The following NR6A1 variants were observed in gnomAD, a reference collection of about 807,000 sequenced individuals.
The protein encoded by NR6A1 is retinoic acid receptor-related testis-associated receptor.
In NR6A1, 7 loss-of-function variants were observed where a neutral mutation model predicts 59.1. The observed-to-expected ratio is 0.12, with a 90% CI of 0.07 to 0.22. The LOEUF (loss-of-function observed/expected upper bound fraction) is 0.22, where lower values mean the gene tolerates loss of function less well. Among genes scored for constraint, NR6A1 ranks in the 10% least tolerant of loss-of-function variants. NR6A1 has a pLI of 1.00. For synonymous variants in NR6A1, 243 were observed against 236.1 expected (o/e 1.03, Z -0.27); for missense variants, 468 against 611.6 (o/e 0.77, Z 2.48).
chr9:124,600,986 G>GAA (rs553677692), intron 2 of NR6A1, among the ~76,000 whole-genome samples: 4 of 137,410 alleles, frequency 2.9e-5, no homozygotes, highest in South Asian at 2.3e-4. Flanking sequence ...TGTGCTTTAA[G>GAA]AAAAAAAAAA....
At chr9:124,566,452 A>G (rs1422691331) in intron 2 of NR6A1, among the ~76,000 whole-genome samples, 2 of 152,374 alleles carry the variant, frequency 1.3e-5, no homozygotes, top group East Asian at 3.9e-4. Context: ...AAATGATATC[A>G]GCAACGGCAA....
At chr9:124,662,397 A>C (rs1425230433) in intron 2 of NR6A1, among the ~76,000 whole-genome samples, 1 of 152,184 alleles carries the variant, frequency 6.6e-6, no homozygotes, top group Non-Finnish European at 1.5e-5. Flanking sequence ...TAGGCAAATT[A>C]ATTTACCCCT....
chr9:124,654,300 T>G (rs1355730025), intron 2 of NR6A1, among the ~76,000 whole-genome samples: 1 of 152,128 alleles, frequency 6.6e-6, no homozygotes, highest in Non-Finnish European at 1.5e-5. Context: ...CAAGTTACCA[T>G]TCTGCTTAAA....
chr9:124,608,825 G>C (rs1416938014), intron 2 of NR6A1, among the ~76,000 whole-genome samples: 1 of 152,040 alleles, frequency 6.6e-6, no homozygotes, highest in Non-Finnish European at 1.5e-5. Flanking sequence ...GACTTTTTAA[G>C]AATCACCATT....
At chr9:124,753,701 A>T (rs1483265510) in intron 1 of NR6A1, among the ~76,000 whole-genome samples, 3 of 152,154 alleles carry the variant, frequency 2.0e-5, no homozygotes, top group African/African-American at 7.2e-5. Flanking sequence ...CCTTTTAAGG[A>T]TATTACCAGA....
intron 2 of NR6A1, among the ~76,000 whole-genome samples, chr9:124,629,357 ATATAAT>A (rs1458378143): frequency 2.0e-5 from 3 of 152,268 alleles, no homozygotes; most frequent in South Asian, 2.1e-4. Context: ...AGTTATTTAA[ATATAAT>A]TATGACACTT....
chr9:124,716,099 G>C (rs921219607), intron 2 of NR6A1, among the ~76,000 whole-genome samples: 1 of 152,156 alleles, frequency 6.6e-6, no homozygotes, highest in Non-Finnish European at 1.5e-5. Flanking sequence ...AGCTACTTGG[G>C]AGGCTGAGGC....
intron 1 of NR6A1, among the ~76,000 whole-genome samples, chr9:124,758,587 A>G (rs1721425439): frequency 6.6e-6 from 1 of 152,236 alleles, no homozygotes. Context: ...AACAACAAAA[A>G]TACTCCATAA....
At position 124,564,486 on chromosome 9, in the gene NR6A1, C is replaced by G. The variant is rs1257440609; in HGVS notation, c.143-9916G>C. Among the ~76,000 whole-genome samples, 4 of 151,820 alleles carry G rather than the reference C, an allele frequency of 2.6e-5. 1 individual carries two copies. The highest frequency in any genetic ancestry group is 5.9e-5 in the Non-Finnish European group (4 of 67,938). On this transcript the variant is annotated intron_variant, in intron 2 of 9. Coordinates refer to ENST00000487099, the MANE Select transcript of NR6A1 (RefSeq NM_033334.4). ...AATAGCATCAAGAAATATGAAATAC[C>G]CAAGGTGTAATCTAATAAAGAGATA...
At chr9:124,586,472 C>T (rs564273029) in intron 2 of NR6A1, among the ~76,000 whole-genome samples, 6 of 150,846 alleles carry the variant, frequency 4.0e-5, no homozygotes, top group African/African-American at 1.5e-4. Context: ...AAGACAGGGT[C>T]TCACTCTGTC....
intron 2 of NR6A1, among the ~76,000 whole-genome samples, chr9:124,697,198 A>G (rs1405870568): frequency 6.6e-6 from 1 of 152,262 alleles, no homozygotes; most frequent in East Asian, 1.9e-4. Flanking sequence ...TTTATGATTC[A>G]TAAGCATGGA....
intron 2 of NR6A1, among the ~76,000 whole-genome samples, chr9:124,587,857 G>A (rs1237110731): frequency 2.0e-5 from 3 of 152,158 alleles, no homozygotes; most frequent in Non-Finnish European, 4.4e-5. Context: ...TCCCTAAGGC[G>A]CTGGATCAAT....
chr9:124,598,691 A>T (rs1366707176), intron 2 of NR6A1: 2 of 624,864 alleles, frequency 3.2e-6, no homozygotes, highest in Non-Finnish European at 5.1e-6. Context: ...AAGAGAGGAA[A>T]AAAATAAGAC....
rs10639098 is a variant in NR6A1 at position 124,519,901 on chromosome 9, CAAAAAAAAAAAAAAAAA to C, written c.*2787_*2803del. Reference sequence around the variant, plus strand: ...TGAGCGACAGAGCGAGACTCCGCCTCAAAAAAAAAAAAAAAAAAAAAAAAAAAAATCCTCACTCAAAG... The same window carrying C: ...TGAGCGACAGAGCGAGACTCCGCCTCAAAAAAAAAAAATCCTCACTCAAAG... On this transcript the variant is annotated 3_prime_UTR_variant, in exon 10 of 10. Coordinates refer to ENST00000487099, the MANE Select transcript of NR6A1 (RefSeq NM_033334.4). 4.2e-5 allele frequency: 1 copy of C among 23,884 alleles called. No homozygotes were observed. Among genetic ancestry groups the C allele is most frequent in the African/African-American group, 1.3e-4 (1 of 7,636 alleles). 1.5% of individuals were successfully genotyped at this position (23,884 alleles called of 1,614,324 possible).
chr9:124,664,615 TG>T (rs761291366), intron 2 of NR6A1, among the ~76,000 whole-genome samples: 2 of 152,156 alleles, frequency 1.3e-5, no homozygotes, highest in South Asian at 2.1e-4. Flanking sequence ...AGATAATGAA[TG>T]AATGGATGAA....
chr9:124,552,987 A>C (rs1453536423), intron 3 of NR6A1, among the ~76,000 whole-genome samples: 1 of 152,186 alleles, frequency 6.6e-6, no homozygotes, highest in East Asian at 1.9e-4. Flanking sequence ...TATCTGACTA[A>C]CACCCCCATC....
chr9:124,757,000 A>G (rs1840652162), intron 1 of NR6A1, among the ~76,000 whole-genome samples: 1 of 141,884 alleles, frequency 7.0e-6, no homozygotes, highest in African/African-American at 2.5e-5. Flanking sequence ...AGAAAAAAAA[A>G]GGGCGGGTAG....
At chr9:124,616,208 G>A (rs1002446655) in intron 2 of NR6A1, among the ~76,000 whole-genome samples, 18 of 151,386 alleles carry the variant, frequency 1.2e-4, no homozygotes, top group Non-Finnish European at 2.2e-4. Flanking sequence ...GACCAGCCTC[G>A]CCAACCAACA....
intron 2 of NR6A1, among the ~76,000 whole-genome samples, chr9:124,605,388 T>C (rs1386032783): frequency 1.3e-5 from 2 of 152,176 alleles, no homozygotes; most frequent in Non-Finnish European, 2.9e-5. Context: ...CATGTGCCTG[T>C]AGTCCTAGCT....
Sources: gnomAD v4.1 joint callset for allele counts (sites outside exome capture counted in the v4.1 genomes callset) on GRCh38, gnomAD v4.1.1 for gene constraint, MANE v1.5 for transcripts, NCBI Gene and HGNC (gene_info 2026-07-23, HGNC 2026-07-21) for gene names.